USH2A: variants seen among roughly 807,000 people sequenced by gnomAD.
USH2A encodes the protein Usher syndrome 2A (autosomal recessive, mild).
A neutral mutation model predicts 538.9 loss-of-function variants in USH2A; 443 were observed. The ratio of observed to expected loss-of-function variants is 0.82; its 90% CI spans 0.76 to 0.89. The LOEUF (loss-of-function observed/expected upper bound fraction) is 0.89. USH2A is among the 40% of genes least tolerant of loss of function. The probability of loss-of-function intolerance (pLI) is 0.00; values close to 1 mark genes in which losing one functional copy is unlikely to be tolerated. For synonymous variants in USH2A, 2,413 were observed against 2,273.5 expected (o/e 1.06, Z -1.75); for missense variants, 6,633 against 6,324.8 (o/e 1.05, Z -1.65).
intron 19 of USH2A, among the ~76,000 whole-genome samples, chr1:216,193,443 T>C (rs576872497): frequency 1.3e-5 from 2 of 152,246 alleles, no homozygotes; most frequent in East Asian, 1.9e-4. Context: ...TTGTGTGTTG[T>C]ACATGGGTTC....
intron 14 of USH2A, among the ~76,000 whole-genome samples, chr1:216,230,652 CA>C (rs2035658911): frequency 6.6e-6 from 1 of 151,974 alleles, no homozygotes; most frequent in South Asian, 2.1e-4. Flanking sequence ...GTGGAACAGC[CA>C]AAAGGCAGGC....
chr1:215,958,077 G>C (rs1380864475), intron 37 of USH2A, among the ~76,000 whole-genome samples: 1 of 152,106 alleles, frequency 6.6e-6, no homozygotes, highest in East Asian at 1.9e-4. Context: ...GGAAGTCTAA[G>C]AGGTTCCCAC....
chr1:215,893,146 C>A (rs1169824417), intron 40 of USH2A, among the ~76,000 whole-genome samples: 1 of 152,050 alleles, frequency 6.6e-6, no homozygotes, highest in Non-Finnish European at 1.5e-5. Context: ...CCAAATATAG[C>A]AAATCAACTC....
chr1:215,850,725 A>C (rs919539182), intron 44 of USH2A, among the ~76,000 whole-genome samples: 5 of 152,336 alleles, frequency 3.3e-5, no homozygotes, highest in East Asian at 1.9e-4. Flanking sequence ...ATTCTACCCC[A>C]AAACTGCAGA....
chr1:216,145,783 T>TACCTC (rs1324006966), intron 21 of USH2A, among the ~76,000 whole-genome samples: 3 of 152,132 alleles, frequency 2.0e-5, no homozygotes, highest in African/African-American at 7.2e-5. Flanking sequence ...CTGATGACAT[T>TACCTC]ACCTCGTGAA....
chr1:215,942,875 C>G (rs1213678506), intron 37 of USH2A, among the ~76,000 whole-genome samples: 2 of 152,134 alleles, frequency 1.3e-5, no homozygotes, highest in Non-Finnish European at 2.9e-5. Flanking sequence ...AAGCACTGTG[C>G]TGAGTTGGGG....
intron 21 of USH2A, among the ~76,000 whole-genome samples, chr1:216,117,936 G>T (rs188927171): frequency 1.3e-5 from 2 of 151,398 alleles, no homozygotes; most frequent in African/African-American, 2.4e-5. Flanking sequence ...CTCCTCCAAA[G>T]GAGTCATTTT....
chr1:215,758,527 T>C, intron 58 of USH2A, 68 bp downstream of exon 58: 1 of 1,547,460 alleles, frequency 6.5e-7, no homozygotes, highest in Non-Finnish European at 8.9e-7. Context: ...AACAGTTCTA[T>C]TCTTATCTCT....
intron 38 of USH2A, among the ~76,000 whole-genome samples, chr1:215,925,609 T>C (rs1666219066): frequency 6.6e-6 from 1 of 152,142 alleles, no homozygotes; most frequent in Non-Finnish European, 1.5e-5. Flanking sequence ...GCTTTTACAT[T>C]ATAAAAAGCA....
intron 37 of USH2A, among the ~76,000 whole-genome samples, chr1:215,964,048 G>A (rs1434985267): frequency 6.6e-6 from 1 of 152,120 alleles, no homozygotes; most frequent in Non-Finnish European, 1.5e-5. Flanking sequence ...ATACCGTTTT[G>A]ATGGTTTGAG....
intron 64 of USH2A, among the ~76,000 whole-genome samples, chr1:215,655,739 TTTTTTTTTTTC>T (rs1272987430): frequency 6.8e-6 from 1 of 146,746 alleles, no homozygotes; most frequent in African/African-American, 2.5e-5. Flanking sequence ...TTTTTTTTTT[TTTTTTTTTTTC>T]TTTGAGACAG....
chr1:216,036,108 G>A (rs541650190), intron 32 of USH2A, among the ~76,000 whole-genome samples: 7 of 152,084 alleles, frequency 4.6e-5, no homozygotes, highest in Admixed American at 2.0e-4. Flanking sequence ...GTCATCTATG[G>A]TATTGGCTAG....
intron 60 of USH2A, among the ~76,000 whole-genome samples, chr1:215,735,070 T>C (rs1376013049): frequency 6.6e-6 from 1 of 152,234 alleles, no homozygotes; most frequent in Non-Finnish European, 1.5e-5. Context: ...AATAAAGAAA[T>C]ACCTTGGGAG....
At chr1:216,070,837 T>A (rs960054460) in intron 29 of USH2A, among the ~76,000 whole-genome samples, 1 of 149,668 alleles carries the variant, frequency 6.7e-6, no homozygotes, top group African/African-American at 2.5e-5. Flanking sequence ...ATGGAATATA[T>A]TCTTAGTTGC....
At chr1:216,196,789 A>T in intron 18 of USH2A, 67 bp from the exon 19 acceptor site, 1 of 1,509,144 alleles carries the variant, frequency 6.6e-7, no homozygotes. Flanking sequence ...TTTTAAATTT[A>T]ATTCACACAT....
intron 13 of USH2A, among the ~76,000 whole-genome samples, chr1:216,236,091 C>A (rs2035809239): frequency 6.6e-6 from 1 of 152,078 alleles, no homozygotes; most frequent in South Asian, 2.1e-4. Context: ...TAGACTTGAT[C>A]AAGTGAATAC....
At chr1:215,773,657 G>A (rs74567993) in intron 55 of USH2A, among the ~76,000 whole-genome samples, 2,313 of 152,024 alleles carry the variant, frequency 0.015, 62 homozygotes, top group African/African-American at 0.053. Context: ...AAGACAACGA[G>A]CCCCAGAGTA....
chr1:215,816,234 T>A (rs1300591487), intron 48 of USH2A, among the ~76,000 whole-genome samples: 1 of 152,114 alleles, frequency 6.6e-6, no homozygotes, highest in Non-Finnish European at 1.5e-5. Context: ...AATGTAGGCA[T>A]AATGATAATT....
intron 46 of USH2A, among the ~76,000 whole-genome samples, chr1:215,838,446 C>G (rs575935984): frequency 6.6e-6 from 1 of 152,272 alleles, no homozygotes; most frequent in East Asian, 1.9e-4. Flanking sequence ...AACAGGTTAT[C>G]ACTGCTCACT....
Sources: gnomAD v4.1 joint callset for allele counts (sites outside exome capture counted in the v4.1 genomes callset) on GRCh38, gnomAD v4.1.1 for gene constraint, MANE v1.5 for transcripts, NCBI Gene and HGNC (gene_info 2026-07-23, HGNC 2026-07-21) for gene names.